The following MTHFD1L variants were observed in gnomAD, a reference collection of about 807,000 sequenced individuals.
The protein encoded by MTHFD1L is methylenetetrahydrofolate dehydrogenase (NADP+ dependent) 1 like.
MTHFD1L carries 81 observed loss-of-function variants against 119.5 expected under a neutral mutation model. The ratio of observed to expected loss-of-function variants is 0.68; its 90% CI spans 0.57 to 0.82. MTHFD1L has a LOEUF of 0.82. Among genes scored for constraint, MTHFD1L ranks in the 40% least tolerant of loss-of-function variants. The pLI is 0.00. For missense variants in MTHFD1L, 1,125 were observed against 1,253.4 expected, an observed-to-expected ratio of 0.90 and a Z score of 1.55; for synonymous variants, 430 against 475.2, an observed-to-expected ratio of 0.90 and a Z score of 1.24.
chr6:150,871,979 T>G (rs1779620899), intron 1 of MTHFD1L, among the ~76,000 whole-genome samples: 1 of 151,750 alleles, frequency 6.6e-6, no homozygotes, highest in Non-Finnish European at 1.5e-5. Context: ...CCGGGTTCAA[T>G]AAATTCTCCT....
chr6:150,866,126 C>T (rs1778252904), intron 1 of MTHFD1L, 77 bp downstream of exon 1: 4 of 1,442,922 alleles, frequency 2.8e-6, no homozygotes, highest in Admixed American at 5.3e-5. Context: ...CCCGGGACCG[C>T]CGTGGGGAGC....
At position 150,958,777 on chromosome 6, in the gene MTHFD1L, A is replaced by C. The variant is rs191268888; in HGVS notation, c.1804-1498A>C. 5.2e-3 allele frequency among the ~76,000 whole-genome samples: 794 copies of C among 152,326 alleles called. 12 individuals are homozygous for C. The highest frequency in any genetic ancestry group is 0.018 in the African/African-American group (739 of 41,572). On this transcript the variant is annotated intron_variant, in intron 17 of 27. Coordinates refer to ENST00000367321, the MANE Select transcript of MTHFD1L (RefSeq NM_015440.5). ...ATGATTTTGAAATATTTTATTTGCA[A>C]AACAGAAATGAGCAGCCTTCCGCTA... is the stretch of plus-strand genomic sequence containing the variant.
intron 20 of MTHFD1L, chr6:150,985,000 C>T (rs187880553): frequency 3.9e-5 from 6 of 152,250 alleles, no homozygotes; most frequent in African/African-American, 1.2e-4. Flanking sequence ...GGTCACTTCA[C>T]CTCCCCCAAA....
chr6:150,866,234 C>T, intron 1 of MTHFD1L, 185 bp downstream of exon 1: 1 of 1,390,458 alleles, frequency 7.2e-7, no homozygotes, highest in South Asian at 1.5e-5. Context: ...GGAGCGCTGG[C>T]GGAGAACGGG....
chr6:151,097,583 G>C (rs1486542340), intron 27 of MTHFD1L, among the ~76,000 whole-genome samples: 1 of 152,226 alleles, frequency 6.6e-6, no homozygotes, highest in Non-Finnish European at 1.5e-5. Flanking sequence ...GTAGATACCA[G>C]AGGCTGGGAA....
chr6:150,963,773 G>A (rs993876024), intron 18 of MTHFD1L, among the ~76,000 whole-genome samples: 1 of 152,094 alleles, frequency 6.6e-6, no homozygotes, highest in Admixed American at 6.5e-5. Context: ...TAGAGCTACC[G>A]TTACAAGCAT....
At chr6:150,898,880 C>G (rs1433853754) in intron 7 of MTHFD1L, 2 of 448,174 alleles carry the variant, frequency 4.5e-6, no homozygotes, top group South Asian at 4.5e-5. Context: ...GTTCTGTCAC[C>G]AGGCTGGAGT....
At position 150,878,812 on chromosome 6, in the gene MTHFD1L, G is replaced by A. The variant is rs148576706; in HGVS notation, c.417+986G>A. Among the ~76,000 whole-genome samples, 428 of 152,310 alleles carry A rather than the reference G, an allele frequency of 2.8e-3. 2 individuals carry two copies. Among genetic ancestry groups the A allele is most frequent in the African/African-American group, 9.6e-3 (400 of 41,562 alleles). On this transcript the variant is annotated intron_variant, in intron 4 of 27. Coordinates refer to ENST00000367321, the MANE Select transcript of MTHFD1L (RefSeq NM_015440.5). ...AAGGGGGCATTGGTGAGTCTTATTTGAGTCCTATGGAGAAGAGCAGTTCTT... is the reference window on the plus strand; with the variant it reads ...AAGGGGGCATTGGTGAGTCTTATTTAAGTCCTATGGAGAAGAGCAGTTCTT...
intron 8 of MTHFD1L, among the ~76,000 whole-genome samples, chr6:150,908,977 A>C (rs112933673): frequency 5.3e-5 from 8 of 152,292 alleles, no homozygotes; most frequent in African/African-American, 1.9e-4. Context: ...GAGTTTTATA[A>C]TGAAATTTTT....
intron 6 of MTHFD1L, among the ~76,000 whole-genome samples, chr6:150,886,454 AAAAAG>A: frequency 6.6e-6 from 1 of 151,112 alleles, no homozygotes; most frequent in African/African-American, 2.4e-5. Context: ...AAAAAAAAAA[AAAAAG>A]AGAAGAAGAA....
chr6:150,951,204 G>A lies in MTHFD1L; in HGVS notation c.1726+2071G>A, dbSNP rs558877991. On this transcript the variant is annotated intron_variant, in intron 16 of 27. Transcript: ENST00000367321. Reference sequence around the variant, plus strand: ...GCGCCACAACACTCAGCTAATTTTCGTATTTTTAGTAGAGATGGGGTTTCA... The same window carrying A: ...GCGCCACAACACTCAGCTAATTTTCATATTTTTAGTAGAGATGGGGTTTCA... 2.5e-4 allele frequency among the ~76,000 whole-genome samples: 37 copies of A among 150,424 alleles called. No homozygotes were observed. In the South Asian group the frequency reaches 2.7e-3, roughly 11 times the overall value.
chr6:150,917,363 A>C (rs1788152000), intron 8 of MTHFD1L, among the ~76,000 whole-genome samples: 1 of 152,068 alleles, frequency 6.6e-6, no homozygotes, highest in Non-Finnish European at 1.5e-5. Flanking sequence ...TGTCTACTAA[A>C]AATACAAAAA....
chr6:151,074,330 AAAGACTTGTTC>A (rs1310807530), intron 26 of MTHFD1L, among the ~76,000 whole-genome samples: 1 of 152,256 alleles, frequency 6.6e-6, no homozygotes, highest in Admixed American at 6.5e-5. Flanking sequence ...GCATGGATAG[AAAGACTTGTTC>A]TTACTGTTTA....
intron 1 of MTHFD1L, among the ~76,000 whole-genome samples, chr6:150,872,911 C>T (rs1779774758): frequency 6.6e-6 from 1 of 151,866 alleles, no homozygotes; most frequent in Admixed American, 6.6e-5. Flanking sequence ...ATCCTCTCAC[C>T]TCAGCCTCCC....
chr6:150,951,617 A>T (rs1272336716), intron 16 of MTHFD1L, among the ~76,000 whole-genome samples: 1 of 152,188 alleles, frequency 6.6e-6, no homozygotes, highest in South Asian at 2.1e-4. Flanking sequence ...TTGTGGATGA[A>T]CCACAACTTA....
At chr6:150,935,273 G>A in intron 11 of MTHFD1L, 1 of 1,611,900 alleles carries the variant, frequency 6.2e-7, no homozygotes, top group South Asian at 1.1e-5. Context: ...TGTGGACTCT[G>A]TTGATGTCGA....
At chr6:151,073,021 A>G (rs1193167202) in intron 26 of MTHFD1L, among the ~76,000 whole-genome samples, 2 of 152,150 alleles carry the variant, frequency 1.3e-5, no homozygotes, top group Non-Finnish European at 2.9e-5. Context: ...GAAATTGGAA[A>G]CAAAGTGAGT....
chr6:151,075,444 T>C (rs950678300), intron 26 of MTHFD1L, among the ~76,000 whole-genome samples: 1 of 152,088 alleles, frequency 6.6e-6, no homozygotes, highest in African/African-American at 2.4e-5. Flanking sequence ...GAACAGGACA[T>C]AGCAGTTCTA....
intron 27 of MTHFD1L, among the ~76,000 whole-genome samples, chr6:151,100,218 A>G (rs1035594179): frequency 7.9e-5 from 12 of 151,868 alleles, no homozygotes; most frequent in Admixed American, 7.2e-4. Flanking sequence ...GTATTTTTTT[A>G]ATAGACACGG....
Sources: allele counts gnomAD v4.1 joint callset (sites outside exome capture counted in the v4.1 genomes callset), GRCh38; gene constraint gnomAD v4.1.1; transcripts MANE v1.5; gene names NCBI Gene and HGNC (gene_info 2026-07-23, HGNC 2026-07-21).